The following FXR2 variants were observed in gnomAD, a reference collection of about 807,000 sequenced individuals.
FXR2 encodes the protein RNA-binding protein FXR2.
Under a neutral mutation model 87.3 loss-of-function variants are expected in FXR2, and 9 were observed. That is an observed-to-expected ratio of 0.10 (90% CI 0.06 to 0.18). The LOEUF is 0.18. Ranked by LOEUF, FXR2 falls within the 10% of genes least tolerant of loss-of-function variation. The pLI is 1.00. For missense variants in FXR2, 661 were observed against 893.6 expected (o/e 0.74, Z 3.32); for synonymous variants, 331 against 328.3 (o/e 1.01, Z -0.09).
At chr17:7,609,968 GTA>G (rs1456705728) in intron 1 of FXR2, among the ~76,000 whole-genome samples, 8 of 93,290 alleles carry the variant, frequency 8.6e-5, no homozygotes, top group South Asian at 3.1e-4. Context: ...ATATATACAT[GTA>G]TATGTATACA....
At chr17:7,606,653 T>C (rs1307122491) in intron 1 of FXR2, among the ~76,000 whole-genome samples, 1 of 152,088 alleles carries the variant, frequency 6.6e-6, no homozygotes, top group Non-Finnish European at 1.5e-5. Context: ...ATCGGAACAC[T>C]AGACAAGTTC....
Position 7,593,163 on chromosome 17 carries a change from G to A in FXR2, c.1349C>T (p.Ser450Phe), listed in dbSNP as rs761260492. Residue 450 changes from serine (S) to phenylalanine (F), a missense_variant, in exon 13 of 17, where the codon TCT (serine) becomes TTT (phenylalanine). Around this residue, in one of 3 missense-constraint regions of FXR2, gnomAD observed 409 missense variants for 432.0 expected, o/e 0.95. Transcript: ENST00000250113. This position sits in a 1 kb window ranked among gnomAD's most constrained non-coding sequence, Gnocchi z 6.1. ...GPAYGPSSDVSTASETESEKR... is the reference protein window; with the variant it reads ...GPAYGPSSDVFTASETESEKR... ...CTCTGACTCAGTCTCTGAAGCTGTA[G>A]ACACATCTGAGCTGGGGCCTGAAGA... 17 of 1,531,758 alleles carry A rather than the reference G, an allele frequency of 1.1e-5. No individual in the cohort carries two copies. The highest frequency in any genetic ancestry group is 1.4e-5 in the Non-Finnish European group (16 of 1,141,722). The allele number at this position is 1,531,758 out of a possible 1,614,324, so 94.9% of individuals were successfully genotyped here. A position where few individuals can be genotyped will look rare whatever the true frequency, so the allele number is the denominator to read the frequency against.
Position 7,603,019 on chromosome 17 carries a change from T to G in FXR2, c.450-17A>C. The G allele has an allele frequency of 1.5e-6, 2 of 1,345,896 alleles. No homozygotes were observed. Among genetic ancestry groups the G allele is most frequent in the South Asian group, 2.4e-5 (2 of 82,410 alleles). The allele number at this position is 1,345,896 out of a possible 1,614,324, so 83.4% of individuals were successfully genotyped here. ...TTGGAGCAGCTGCAGAGGAAAAAAGTACTCAGCGGGCAGAATGCAGAGAGT... is the reference window on the plus strand; with the variant it reads ...TTGGAGCAGCTGCAGAGGAAAAAAGGACTCAGCGGGCAGAATGCAGAGAGT... On this transcript the variant is annotated splice_polypyrimidine_tract_variant and intron_variant, in intron 5 of 16. Coordinates refer to ENST00000250113, the MANE Select transcript of FXR2 (RefSeq NM_004860.4).
chr17:7,603,914 T>C lies in FXR2; in HGVS notation c.301-9A>G. 6.2e-7 allele frequency: 1 copy of C among 1,613,806 alleles called. No homozygotes were observed. Among genetic ancestry groups the C allele is most frequent in the South Asian group, 1.1e-5 (1 of 91,062 alleles). On this transcript the variant is annotated splice_polypyrimidine_tract_variant and intron_variant, in intron 4 of 16. Coordinates refer to ENST00000250113, the MANE Select transcript of FXR2 (RefSeq NM_004860.4). ...TATTCAATGACATAGAACTGGCACATGGTAAAAAAGGAGAAGTTGTGGATG... is the reference window on the plus strand; with the variant it reads ...TATTCAATGACATAGAACTGGCACACGGTAAAAAAGGAGAAGTTGTGGATG...
rs1473292984 is a variant in FXR2 at position 7,593,116 on chromosome 17, C to A, written c.1396G>T (p.Ala466Ser). ...GGGGGATCCCTGTCGCCAGGCCCAG[C>A]TCGGTTGGGCTCCTCTCTCTTCTCT... ...ESEKREEPNR[A>S]GPGDRDPPTR... is the part of the protein sequence containing the mutation. The change falls in exon 13 of 17, where the codon GCT becomes TCT. Residue 466 changes from alanine to serine, a missense_variant. This residue lies in a region of FXR2 where 409 missense variants were observed against 432.0 expected (regional missense o/e 0.95). Transcript: ENST00000250113. The surrounding 1 kb of genome is among the most constrained non-coding windows in gnomAD (Gnocchi z 6.1). 1.9e-6 allele frequency: 3 copies of A among 1,582,546 alleles called. No individual in the cohort carries two copies. Among genetic ancestry groups the A allele is most frequent in the Admixed American group, 1.9e-5 (1 of 53,272 alleles).
intron 1 of FXR2, among the ~76,000 whole-genome samples, chr17:7,612,996 CAAAAA>C (rs34323537): frequency 4.0e-5 from 2 of 49,550 alleles, no homozygotes; most frequent in African/African-American, 8.2e-5. Context: ...GACTCCATCT[CAAAAA>C]AAAAAAAAAA....
At chr17:7,599,937 G>T (rs1201054221) in intron 7 of FXR2, among the ~76,000 whole-genome samples, 1 of 152,030 alleles carries the variant, frequency 6.6e-6, no homozygotes, top group Non-Finnish European at 1.5e-5. Context: ...CACTCTTGTT[G>T]CCCAGGCTGG....
chr17:7,600,955 G>A (rs2150943690), intron 7 of FXR2, among the ~76,000 whole-genome samples: 1 of 152,102 alleles, frequency 6.6e-6, no homozygotes, highest in Middle Eastern at 3.4e-3. Context: ...TGAGGCGGGT[G>A]GATCACATGA....
At chr17:7,597,772 T>C (rs1001344773) in intron 7 of FXR2, among the ~76,000 whole-genome samples, 2 of 151,682 alleles carry the variant, frequency 1.3e-5, no homozygotes, top group African/African-American at 2.4e-5. Flanking sequence ...TCCTCAGTGA[T>C]TGCCTTAACC....
Position 7,603,805 on chromosome 17 carries a change from C to A in FXR2, c.401G>T (p.Gly134Val). 6.2e-7 allele frequency: 1 copy of A among 1,613,956 alleles called. No homozygotes were observed. Among genetic ancestry groups the A allele is most frequent in the Non-Finnish European group, 8.5e-7 (1 of 1,179,880 alleles). Residue 134 changes from glycine (G) to valine (V), a missense_variant, in exon 5 of 17, where the codon GGC (glycine) becomes GTC (valine). Physicochemically the swap from Gly to Val is moderately radical, Grantham distance 109 (BLOSUM62 -3). Around this residue, in one of 3 missense-constraint regions of FXR2, gnomAD observed 170 missense variants for 247.2 expected, o/e 0.69. Transcript: ENST00000250113. Reference protein sequence around the residue: ...PVNPNPLATKGSFFKVTMAVP... With the variant: ...PVNPNPLATKVSFFKVTMAVP... ...AGCCATGGTAACCTTGAAGAAGCTG[C>A]CTTTGGTTGCAAGGGGATTGGGATT...
At chr17:7,597,489 T>TC (rs1291550257) in intron 7 of FXR2, among the ~76,000 whole-genome samples, 1 of 151,940 alleles carries the variant, frequency 6.6e-6, no homozygotes, top group Non-Finnish European at 1.5e-5. Context: ...TTTTCTTTTT[T>TC]TTTTTTCTTT....
At chr17:7,604,595 G>A (rs917741013) in intron 3 of FXR2, among the ~76,000 whole-genome samples, 4 of 151,842 alleles carry the variant, frequency 2.6e-5, no homozygotes, top group African/African-American at 7.3e-5. Flanking sequence ...AGGAGGCTGA[G>A]GCAGGAGAAT....
chr17:7,597,682 T>C (rs1485903549), intron 7 of FXR2, among the ~76,000 whole-genome samples: 1 of 152,176 alleles, frequency 6.6e-6, no homozygotes, highest in Non-Finnish European at 1.5e-5. Flanking sequence ...GTGCTGGGAT[T>C]GCAGGCGTGA....
intron 6 of FXR2, chr17:7,602,677 C>G (rs2071768279): frequency 2.6e-6 from 1 of 387,370 alleles, no homozygotes; most frequent in South Asian, 3.2e-5. Context: ...TGCAGTGAGC[C>G]GAGATCGTGC....
rs2071680407 is a variant in FXR2 at position 7,593,170 on chromosome 17, C to A, written c.1342G>T (p.Asp448Tyr). ...TGGPAYGPSS[D>Y]VSTASETESE... ...TCAGTCTCTGAAGCTGTAGACACAT[C>A]TGAGCTGGGGCCTGAAGAACACAAT... Residue 448 changes from aspartate to tyrosine, a missense_variant, in exon 13 of 17, where the codon GAT becomes TAT. By Grantham distance (160) the Asp-to-Tyr change is radical (BLOSUM62 -3). Transcript: ENST00000250113. The surrounding 1 kb of genome is among the most constrained non-coding windows in gnomAD (Gnocchi z 6.1). The A allele has an allele frequency of 1.3e-6, 2 of 1,524,392 alleles. No individual in the cohort carries two copies. The highest frequency in any genetic ancestry group is 8.8e-7 in the Non-Finnish European group (1 of 1,137,862). 94.4% of individuals were successfully genotyped at this position (1,524,392 alleles called of 1,614,324 possible).
intron 1 of FXR2, among the ~76,000 whole-genome samples, chr17:7,612,707 A>G (rs990818653): frequency 1.3e-5 from 2 of 152,098 alleles, no homozygotes; most frequent in African/African-American, 4.8e-5. Context: ...GTAAAAAATG[A>G]CTACAATGGC....
At chr17:7,602,318 C>A (rs1170529792) in intron 6 of FXR2, among the ~76,000 whole-genome samples, 2 of 152,122 alleles carry the variant, frequency 1.3e-5, no homozygotes, top group African/African-American at 4.8e-5. Flanking sequence ...GTAATCCCAG[C>A]ACTTTGGGAG....
intron 1 of FXR2, among the ~76,000 whole-genome samples, chr17:7,613,376 T>C (rs1166267853): frequency 6.6e-6 from 1 of 152,020 alleles, no homozygotes; most frequent in African/African-American, 2.4e-5. Flanking sequence ...GAAAAACTCT[T>C]GGGAGGCAAG....
intron 5 of FXR2, 63 bp downstream of exon 5, chr17:7,603,694 G>T: frequency 1.3e-6 from 2 of 1,527,826 alleles, no homozygotes; most frequent in Non-Finnish European, 1.8e-6. Context: ...ATGCCTGGGA[G>T]AAATAAAGCC....
Sources: allele counts gnomAD v4.1 joint callset (sites outside exome capture counted in the v4.1 genomes callset), GRCh38; gene constraint gnomAD v4.1.1; regional missense constraint gnomAD v4.1.1; non-coding constraint Gnocchi (gnomAD v3.1); transcripts MANE v1.5; gene names NCBI Gene and HGNC (gene_info 2026-07-23, HGNC 2026-07-21).